The following HIVEP2 variants were observed in gnomAD, a reference collection of about 807,000 sequenced individuals.
HIVEP2 encodes the protein transcription factor HIVEP2.
HIVEP2 carries 14 observed loss-of-function variants against 180.7 expected under a neutral mutation model. The ratio of observed to expected loss-of-function variants is 0.08; its 90% CI spans 0.05 to 0.12. The LOEUF (loss-of-function observed/expected upper bound fraction) is 0.12, where lower values mean the gene tolerates loss of function less well. Among genes scored for constraint, HIVEP2 ranks in the 10% least tolerant of loss-of-function variants. The pLI is 1.00. For missense variants in HIVEP2, 2,579 were observed against 3,008.5 expected (o/e 0.86, Z 3.34); for synonymous variants, 1,184 against 1,136.4 (o/e 1.04, Z -0.84).
At chr6:142,877,003 C>A (rs1216583950) in intron 1 of HIVEP2, among the ~76,000 whole-genome samples, 1 of 152,142 alleles carries the variant, frequency 6.6e-6, no homozygotes, top group African/African-American at 2.4e-5. Context: ...AAGCTGAGAT[C>A]GCACCACTGC....
At chr6:142,874,496 A>T (rs1318485569) in intron 1 of HIVEP2, among the ~76,000 whole-genome samples, 11 of 152,214 alleles carry the variant, frequency 7.2e-5, no homozygotes, top group Non-Finnish European at 1.3e-4. Context: ...ATTATAAGGC[A>T]TGTACTGAGT....
intron 2 of HIVEP2, among the ~76,000 whole-genome samples, chr6:142,801,412 TCAAAAAA>T (rs1776407924): frequency 1.8e-5 from 1 of 56,098 alleles, no homozygotes; most frequent in African/African-American, 7.0e-5. Flanking sequence ...AGACTCTGTC[TCAAAAAA>T]AAAAAAAAAA....
chr6:142,910,228 C>G (rs1329580963), intron 1 of HIVEP2, among the ~76,000 whole-genome samples: 2 of 152,222 alleles, frequency 1.3e-5, no homozygotes, highest in Admixed American at 6.5e-5. Flanking sequence ...ACCCAACTGA[C>G]CATGCCACCC....
intron 1 of HIVEP2, among the ~76,000 whole-genome samples, chr6:142,928,890 A>G (rs868849439): frequency 1.4e-4 from 22 of 152,286 alleles, no homozygotes; most frequent in South Asian, 2.1e-4. Context: ...GAGTGCTGAG[A>G]GGGGCCTGCA....
Position 142,772,991 on chromosome 6 carries a change from C to T in HIVEP2, c.1748G>A (p.Gly583Asp). ...TCTTAGCATGCGCTGAGGGGGTATGCCCACGGTCCCTGGATAGAATACATC... is the reference window on the plus strand; with the variant it reads ...TCTTAGCATGCGCTGAGGGGGTATGTCCACGGTCCCTGGATAGAATACATC... ...SDDVFYPGTV[G>D]IPPQRMLRRQ... The change falls in exon 5 of 10, where the codon GGC (glycine) becomes GAC (aspartate). Residue 583 changes from glycine (G) to aspartate (D), a missense_variant. Transcript: ENST00000367603. The surrounding 1 kb of genome is among the most constrained non-coding windows in gnomAD (Gnocchi z 4.9). 3 of 1,614,138 alleles carry T rather than the reference C, an allele frequency of 1.9e-6. No homozygotes were observed. Among genetic ancestry groups the T allele is most frequent in the South Asian group, 1.1e-5 (1 of 91,086 alleles).
In HIVEP2 at chr6:142,753,695, G is replaced by A. The variant is rs756103675; in HGVS notation, c.6753C>T (p.Pro2251=). 6.2e-7 allele frequency: 1 copy of A among 1,614,144 alleles called. No homozygotes were observed. The highest frequency in any genetic ancestry group is 8.5e-7 in the Non-Finnish European group (1 of 1,180,026). Residue 2251 remains proline, a synonymous_variant, in exon 10 of 10, where the codon CCC becomes CCT. Coordinates refer to ENST00000367603, the MANE Select transcript of HIVEP2 (RefSeq NM_006734.4). ...AGCCCTCCATTGGCAGGGGCAATGT[G>A]GGTGAAGGATGTAAACTGGAAAGGG... ...PPALSSLHPS[P]TLPLPMEGFE...
rs1775500652 is a variant in HIVEP2 at position 142,770,504 on chromosome 6, G to A, written c.4235C>T (p.Thr1412Ile). Residue 1412 changes from threonine (T) to isoleucine (I), a missense_variant, in exon 5 of 10, where the codon ACT becomes ATT. By Grantham distance (89) the Thr-to-Ile change is moderately conservative. Transcript: ENST00000367603. This position sits in a 1 kb window ranked among gnomAD's most constrained non-coding sequence, Gnocchi z 4.7. ...EKYPIWKAPQ[T>I]LPLGLESSIP... ...GGAGGATTCTAAGCCGAGGGGCAAA[G>A]TCTGAGGTGCTTTCCAAATGGGGTA... is the stretch of plus-strand genomic sequence containing the variant. 2.5e-6 allele frequency: 4 copies of A among 1,614,078 alleles called. No homozygotes were observed. The highest frequency in any genetic ancestry group is 1.1e-5 in the South Asian group (1 of 91,086).
intron 1 of HIVEP2, among the ~76,000 whole-genome samples, chr6:142,882,629 G>C (rs540581181): frequency 4.0e-5 from 6 of 151,496 alleles, no homozygotes; most frequent in South Asian, 2.1e-4. Flanking sequence ...AACAGAAAGG[G>C]GGGGAGGGGA....
At chr6:142,844,874 C>T (rs1394449388) in intron 1 of HIVEP2, among the ~76,000 whole-genome samples, 2 of 152,164 alleles carry the variant, frequency 1.3e-5, no homozygotes, top group Non-Finnish European at 2.9e-5. Context: ...ACAATAAACA[C>T]ATATGAATGG....
chr6:142,787,836 G>A (rs1776042898), intron 2 of HIVEP2, among the ~76,000 whole-genome samples: 1 of 152,160 alleles, frequency 6.6e-6, no homozygotes, highest in Non-Finnish European at 1.5e-5. Context: ...GAGAAACATA[G>A]TAGTTTTGGA....
intron 1 of HIVEP2, among the ~76,000 whole-genome samples, chr6:142,902,409 T>C (rs1333105742): frequency 6.6e-6 from 1 of 152,200 alleles, no homozygotes; most frequent in Non-Finnish European, 1.5e-5. Flanking sequence ...GACTGTGCCA[T>C]GGTACTATCA....
At chr6:142,931,314 G>T (rs1234268865) in intron 1 of HIVEP2, among the ~76,000 whole-genome samples, 1 of 151,448 alleles carries the variant, frequency 6.6e-6, no homozygotes, top group Non-Finnish European at 1.5e-5. Context: ...ATAGATAGCA[G>T]TCTTACAAGT....
intron 1 of HIVEP2, among the ~76,000 whole-genome samples, chr6:142,903,416 GTAAGTAAATATCTCT>G (rs1400986039): frequency 6.6e-6 from 1 of 152,188 alleles, no homozygotes; most frequent in Non-Finnish European, 1.5e-5. Context: ...CTCTCAGTAT[GTAAGTAAATATCTCT>G]TAAGTTGAAA....
rs938244300 is a variant in HIVEP2 at position 142,751,850 on chromosome 6, C to A, written c.*1257G>T. On this transcript the variant is annotated 3_prime_UTR_variant, in exon 10 of 10. Coordinates refer to ENST00000367603, the MANE Select transcript of HIVEP2 (RefSeq NM_006734.4). ...TGACCTCCCCTAACACAGATGTTAA[C>A]CCTGTTCCCATGTAAACCGGCTGAC... is the stretch of plus-strand genomic sequence containing the variant. 1.3e-5 allele frequency: 2 copies of A among 152,760 alleles called. No individual in the cohort carries two copies. Among genetic ancestry groups the A allele is most frequent in the African/African-American group, 4.8e-5 (2 of 41,460 alleles). 9.5% of individuals were successfully genotyped at this position (152,760 alleles called of 1,614,324 possible).
intron 1 of HIVEP2, among the ~76,000 whole-genome samples, chr6:142,903,375 G>A (rs1368735074): frequency 6.6e-6 from 1 of 152,136 alleles, no homozygotes; most frequent in Non-Finnish European, 1.5e-5. Flanking sequence ...CACTTATACA[G>A]TGTCCTGGAC....
intron 8 of HIVEP2, among the ~76,000 whole-genome samples, chr6:142,760,870 C>T (rs1250975830): frequency 6.6e-6 from 1 of 152,166 alleles, no homozygotes; most frequent in African/African-American, 2.4e-5. Context: ...TTGTTTTCAT[C>T]CCCAACTTAC....
intron 1 of HIVEP2, among the ~76,000 whole-genome samples, chr6:142,933,872 A>C (rs1292457954): frequency 6.6e-6 from 1 of 152,240 alleles, no homozygotes; most frequent in Non-Finnish European, 1.5e-5. Context: ...AATAGTACTA[A>C]GGTCATTTGA....
intron 2 of HIVEP2, among the ~76,000 whole-genome samples, chr6:142,835,389 T>C (rs1461995114): frequency 6.6e-6 from 1 of 152,152 alleles, no homozygotes; most frequent in Admixed American, 6.5e-5. Flanking sequence ...GTACCACCAA[T>C]TTAAATGTCA....
At chr6:142,867,080 C>A (rs1776159865) in intron 1 of HIVEP2, among the ~76,000 whole-genome samples, 1 of 152,076 alleles carries the variant, frequency 6.6e-6, no homozygotes, top group South Asian at 2.1e-4. Flanking sequence ...TGGTAGAATT[C>A]TTGTAATAAA....
Sources: allele counts gnomAD v4.1 joint callset (sites outside exome capture counted in the v4.1 genomes callset), GRCh38; gene constraint gnomAD v4.1.1; non-coding constraint Gnocchi (gnomAD v3.1); transcripts MANE v1.5; gene names NCBI Gene and HGNC (gene_info 2026-07-23, HGNC 2026-07-21).